CCDC178: variants seen among roughly 807,000 people sequenced by gnomAD.
CCDC178 encodes coiled-coil domain-containing protein 178.
CCDC178 carries 126 observed loss-of-function variants against 117.4 expected under a neutral mutation model. The ratio of observed to expected loss-of-function variants is 1.07; its 90% CI spans 0.93 to 1.24. The LOEUF is 1.24. Ranked by LOEUF, CCDC178 falls within the 50% of genes most tolerant of loss-of-function variation. CCDC178 has a pLI of 0.00. For synonymous variants in CCDC178, 283 were observed against 313.4 expected, an observed-to-expected ratio of 0.90 and a Z score of 1.02; for missense variants, 1,030 against 986.9, an observed-to-expected ratio of 1.04 and a Z score of -0.59.
At chr18:33,031,085 C>T (rs942521116) in intron 21 of CCDC178, among the ~76,000 whole-genome samples, 1 of 152,072 alleles carries the variant, frequency 6.6e-6, no homozygotes, top group African/African-American at 2.4e-5. Flanking sequence ...AAATTGACTC[C>T]TAAAATTAAC....
At chr18:33,212,404 G>C (rs2059119073) in intron 19 of CCDC178, among the ~76,000 whole-genome samples, 1 of 151,968 alleles carries the variant, frequency 6.6e-6, no homozygotes, top group Non-Finnish European at 1.5e-5. Flanking sequence ...TATTAAGATA[G>C]CTCGAGGAAA....
chr18:33,297,325 T>C (rs1318921243), intron 11 of CCDC178, among the ~76,000 whole-genome samples: 1 of 150,902 alleles, frequency 6.6e-6, no homozygotes, highest in Non-Finnish European at 1.5e-5. Context: ...AGGAAAGAAA[T>C]AAAGATCAAA....
At chr18:33,303,767 C>T (rs1347455043) in intron 11 of CCDC178, among the ~76,000 whole-genome samples, 1 of 151,780 alleles carries the variant, frequency 6.6e-6, no homozygotes, top group Non-Finnish European at 1.5e-5. Context: ...GAGAACCAGA[C>T]ATCATGAAAG....
In CCDC178 at chr18:33,087,462, T is replaced by A. The variant is rs531929584; in HGVS notation, c.2388+5299A>T. On this transcript the variant is annotated intron_variant, in intron 21 of 22. Transcript: ENST00000383096. ...TTCAGAGAAATGGGACAGTATAAAT[T>A]TAATGCAAACTTATCAGTCTATAAA... is the stretch of plus-strand genomic sequence containing the variant. Among the ~76,000 whole-genome samples the A allele has an allele frequency of 2.0e-5, 3 of 152,168 alleles. No individual in the cohort carries two copies. In the South Asian group the frequency reaches 6.2e-4, roughly 32 times the overall value.
chr18:32,975,623 GTA>G (rs1651666353), intron 21 of CCDC178, among the ~76,000 whole-genome samples: 1 of 152,048 alleles, frequency 6.6e-6, no homozygotes, highest in African/African-American at 2.4e-5. Flanking sequence ...TATAATGAAT[GTA>G]TATATCATAT....
chr18:33,434,911 C>A (rs144316085), intron 2 of CCDC178, among the ~76,000 whole-genome samples: 11 of 152,064 alleles, frequency 7.2e-5, no homozygotes, highest in Non-Finnish European at 8.8e-5. Flanking sequence ...TCAAATTTTC[C>A]GCTAATTTTC....
At position 33,346,410 on chromosome 18, in the gene CCDC178, A is replaced by G; in HGVS notation, c.459T>C (p.Asp153=). Residue 153 remains aspartate (D), a splice_region_variant and synonymous_variant, in exon 9 of 23, where the codon GAT becomes GAC. Transcript: ENST00000383096. The part of the protein sequence containing the change: ...VKEVKPGEKR[D]EKCPELKQEM... The stretch of plus-strand genomic sequence containing the variant: ...CCTGCTTTAACTCTGGACACTTTTC[A>G]TCTTAAACAGAAATAAATATTCACA... 1 of 1,598,142 alleles carries G rather than the reference A, an allele frequency of 6.3e-7. No homozygotes were observed. Among genetic ancestry groups the G allele is most frequent in the Non-Finnish European group, 8.6e-7 (1 of 1,167,392 alleles).
chr18:32,988,118 T>TAATAATCATAATAAA (rs1320760752), intron 21 of CCDC178, among the ~76,000 whole-genome samples: 2 of 132,860 alleles, frequency 1.5e-5, no homozygotes, highest in Admixed American at 7.8e-5. Context: ...ATAATAATAA[T>TAATAATCATAATAAA]AAATTTATCA....
chr18:33,385,889 A>G (rs1370551872), intron 5 of CCDC178, among the ~76,000 whole-genome samples: 1 of 152,192 alleles, frequency 6.6e-6, no homozygotes, highest in African/African-American at 2.4e-5. Context: ...ACACATAAAC[A>G]TCACTTCAAA....
chr18:32,943,476 T>C (rs1323490395), intron 22 of CCDC178, among the ~76,000 whole-genome samples: 1 of 152,098 alleles, frequency 6.6e-6, no homozygotes, highest in Non-Finnish European at 1.5e-5. Context: ...TCAACATGAG[T>C]GGCAACCTTT....
intron 14 of CCDC178, among the ~76,000 whole-genome samples, chr18:33,252,364 A>G (rs918412478): frequency 1.3e-5 from 2 of 151,758 alleles, no homozygotes; most frequent in African/African-American, 4.8e-5. Context: ...AACTCTTGGA[A>G]AAAAAAGTCT....
intron 5 of CCDC178, among the ~76,000 whole-genome samples, chr18:33,389,072 A>T (rs2063531177): frequency 6.6e-6 from 1 of 152,138 alleles, no homozygotes; most frequent in East Asian, 1.9e-4. Flanking sequence ...TGATAAGTGC[A>T]GCAAACCACC....
chr18:32,950,806 T>TA (rs2054465820), intron 22 of CCDC178, among the ~76,000 whole-genome samples: 1 of 152,190 alleles, frequency 6.6e-6, no homozygotes, highest in African/African-American at 2.4e-5. Context: ...TATTAAAAGG[T>TA]AAAAAATTAA....
intron 21 of CCDC178, among the ~76,000 whole-genome samples, chr18:33,070,069 T>A (rs1007811155): frequency 3.9e-5 from 6 of 152,060 alleles, no homozygotes; most frequent in African/African-American, 1.4e-4. Flanking sequence ...TTATACAATG[T>A]TGGTAGAAAT....
intron 21 of CCDC178, among the ~76,000 whole-genome samples, chr18:33,042,509 C>G (rs954744670): frequency 6.6e-6 from 1 of 151,616 alleles, no homozygotes; most frequent in South Asian, 2.1e-4. Flanking sequence ...TATCAAATAG[C>G]CTAAAGAGAC....
At chr18:33,030,130 C>T (rs892645261) in intron 21 of CCDC178, among the ~76,000 whole-genome samples, 3 of 151,960 alleles carry the variant, frequency 2.0e-5, no homozygotes, top group African/African-American at 7.2e-5. Context: ...GTCAGTTTTG[C>T]TAAATTTATT....
intron 2 of CCDC178, among the ~76,000 whole-genome samples, chr18:33,439,576 G>A (rs887169389): frequency 3.3e-5 from 5 of 152,324 alleles, no homozygotes; most frequent in African/African-American, 1.2e-4. Context: ...ATAAATAGCT[G>A]AAAATCCTCT....
chr18:33,359,698 T>C (rs1274801287), intron 6 of CCDC178, among the ~76,000 whole-genome samples: 3 of 151,628 alleles, frequency 2.0e-5, no homozygotes, highest in Non-Finnish European at 4.4e-5. Context: ...TAATCAATTA[T>C]ATCAAACTAA....
At chr18:33,253,956 A>C (rs2059646978) in intron 14 of CCDC178, among the ~76,000 whole-genome samples, 1 of 151,996 alleles carries the variant, frequency 6.6e-6, no homozygotes, top group South Asian at 2.1e-4. Flanking sequence ...TGCACTGAAT[A>C]ACATAAATGA....
Sources: allele counts gnomAD v4.1 joint callset (sites outside exome capture counted in the v4.1 genomes callset), GRCh38; gene constraint gnomAD v4.1.1; transcripts MANE v1.5; gene names NCBI Gene and HGNC (gene_info 2026-07-23, HGNC 2026-07-21).